The following PRMT9 variants were observed in gnomAD, a reference collection of about 807,000 sequenced individuals.
PRMT9 encodes the protein protein arginine methyltransferase 9, also known as protein arginine N-methyltransferase 9.
A neutral mutation model predicts 83.2 loss-of-function variants in PRMT9; 59 were observed. That is an observed-to-expected ratio of 0.71 (90% confidence interval 0.57 to 0.88). The LOEUF (loss-of-function observed/expected upper bound fraction) is 0.88. Ranked by LOEUF, PRMT9 falls within the 40% of genes least tolerant of loss-of-function variation. The pLI is 0.00. For missense variants in PRMT9, 947 were observed against 1,021.9 expected, an observed-to-expected ratio of 0.93 and a Z score of 1.00; for synonymous variants, 333 against 353.2, an observed-to-expected ratio of 0.94 and a Z score of 0.64.
At chr4:147,672,386 A>G (rs1052186265) in intron 4 of PRMT9, among the ~76,000 whole-genome samples, 3 of 152,262 alleles carry the variant, frequency 2.0e-5, no homozygotes, top group African/African-American at 7.2e-5. Flanking sequence ...TAAAATGACT[A>G]GTGTGGAACC....
chr4:147,662,176 G>A (rs1052325389), intron 6 of PRMT9, among the ~76,000 whole-genome samples: 4 of 152,136 alleles, frequency 2.6e-5, no homozygotes, highest in Non-Finnish European at 4.4e-5. Flanking sequence ...GTCATATAAT[G>A]GAGTATGATT....
At chr4:147,648,599 G>A (rs920571189) in intron 9 of PRMT9, among the ~76,000 whole-genome samples, 3 of 152,194 alleles carry the variant, frequency 2.0e-5, no homozygotes, top group African/African-American at 7.2e-5. Flanking sequence ...AATGGAACTC[G>A]AAGAGGTGGT....
At chr4:147,668,152 T>A (rs1735466030) in intron 6 of PRMT9, among the ~76,000 whole-genome samples, 1 of 152,214 alleles carries the variant, frequency 6.6e-6, no homozygotes, top group African/African-American at 2.4e-5. Context: ...ACTGATATGG[T>A]TTGACTCTGT....
chr4:147,644,373 TAA>T (rs56271212), intron 9 of PRMT9, among the ~76,000 whole-genome samples: 350 of 142,830 alleles, frequency 2.5e-3, no homozygotes, highest in Middle Eastern at 3.6e-3. Context: ...ATGCAAAATT[TAA>T]AAAAAAAAAA....
intron 2 of PRMT9, among the ~76,000 whole-genome samples, chr4:147,678,429 CCATT>C (rs2126639086): frequency 6.6e-6 from 1 of 152,324 alleles, no homozygotes; most frequent in South Asian, 2.1e-4. Context: ...GCAATGTTAA[CCATT>C]CATTTTATTT....
intron 6 of PRMT9, chr4:147,661,459 G>C (rs1037141559): frequency 6.2e-6 from 1 of 161,658 alleles, no homozygotes; most frequent in Non-Finnish European, 1.3e-5. Flanking sequence ...ATGAGAAAAG[G>C]TGCTCAGCTT....
rs1029163761 is a variant in PRMT9 at position 147,673,116 on chromosome 4, T to C, written c.586A>G (p.Lys196Glu). The C allele has an allele frequency of 6.2e-7, 1 of 1,613,966 alleles. No individual in the cohort carries two copies. Among genetic ancestry groups the C allele is most frequent in the Admixed American group, 1.7e-5 (1 of 60,010 alleles). Residue 196 changes from lysine to glutamate, a missense_variant, in exon 4 of 12, where the codon AAA becomes GAA. Physicochemically the swap from Lys to Glu is moderately conservative, Grantham distance 56. Coordinates refer to ENST00000322396, the MANE Select transcript of PRMT9 (RefSeq NM_138364.4). Reference sequence around the variant, plus strand: ...TACACGGAATGTGCTCCAGCTTTTTTAGCAAACATGCTACAAGGGAAAAAA... The same window carrying C: ...TACACGGAATGTGCTCCAGCTTTTTCAGCAAACATGCTACAAGGGAAAAAA... ...AGTGILSMFA[K>E]KAGAHSVYAC...
At chr4:147,655,615 T>C (rs1415742910) in intron 8 of PRMT9, among the ~76,000 whole-genome samples, 1 of 152,132 alleles carries the variant, frequency 6.6e-6, no homozygotes, top group Non-Finnish European at 1.5e-5. Flanking sequence ...AGTGGTATGA[T>C]CACTGTGGCC....
intron 9 of PRMT9, among the ~76,000 whole-genome samples, chr4:147,646,779 T>A (rs1030421039): frequency 1.3e-5 from 2 of 152,172 alleles, no homozygotes; most frequent in African/African-American, 4.8e-5. Context: ...CATCAGGTGC[T>A]ATAAAAGCTC....
intron 8 of PRMT9, among the ~76,000 whole-genome samples, chr4:147,657,358 T>C (rs945558108): frequency 4.6e-5 from 7 of 151,916 alleles, no homozygotes; most frequent in African/African-American, 1.7e-4. Context: ...ACTCGGTCTA[T>C]ACTAAAAATA....
At chr4:147,662,518 G>A (rs756355277) in intron 6 of PRMT9, among the ~76,000 whole-genome samples, 1 of 152,084 alleles carries the variant, frequency 6.6e-6, no homozygotes, top group Non-Finnish European at 1.5e-5. Context: ...AATTTACATT[G>A]GGCCAGGCAT....
intron 5 of PRMT9, among the ~76,000 whole-genome samples, chr4:147,669,214 C>T (rs1297886296): frequency 2.1e-5 from 3 of 146,202 alleles, no homozygotes; most frequent in Non-Finnish European, 4.5e-5. Context: ...CATAGCAAGA[C>T]CCTGTCTCTA....
chr4:147,652,404 A>T (rs1039761369), intron 9 of PRMT9, among the ~76,000 whole-genome samples: 1 of 152,114 alleles, frequency 6.6e-6, no homozygotes, highest in Non-Finnish European at 1.5e-5. Flanking sequence ...ATTAGCTGAG[A>T]TCACGCCGCT....
At chr4:147,642,453 C>T (rs1733464554) in intron 10 of PRMT9, among the ~76,000 whole-genome samples, 1 of 152,000 alleles carries the variant, frequency 6.6e-6, no homozygotes, top group Non-Finnish European at 1.5e-5. Context: ...GTTGGCCAGG[C>T]TGGTCTTGAA....
At position 147,673,027 on chromosome 4, in the gene PRMT9, C is replaced by T. The variant is rs1284433343; in HGVS notation, c.675G>A (p.Met225Ile). ...TATGTAAGAGTTTGATCCCTGCTTCCATCTTGTTTGCTGCCACGACATCAC... is the reference window on the plus strand; with the variant it reads ...TATGTAAGAGTTTGATCCCTGCTTCTATCTTGTTTGCTGCCACGACATCAC... ...LACDVVAANK[M>I]EAGIKLLHTK... Residue 225 changes from methionine (M) to isoleucine (I), a missense_variant, in exon 4 of 12, where the codon ATG becomes ATA. Transcript: ENST00000322396. 1.5e-5 allele frequency: 24 copies of T among 1,613,728 alleles called. No homozygotes were observed. Among genetic ancestry groups the T allele is most frequent in the Non-Finnish European group, 2.0e-5 (24 of 1,179,874 alleles).
At chr4:147,674,375 G>A (rs527488189) in intron 2 of PRMT9, among the ~76,000 whole-genome samples, 6 of 152,052 alleles carry the variant, frequency 3.9e-5, no homozygotes, top group Non-Finnish European at 7.4e-5. Context: ...AAATATCACC[G>A]CAGAAAGGGA....
intron 7 of PRMT9, among the ~76,000 whole-genome samples, chr4:147,658,312 G>T (rs1178558648): frequency 6.6e-6 from 1 of 151,984 alleles, no homozygotes; most frequent in African/African-American, 2.4e-5. Context: ...GGGGGGTAGA[G>T]AGAGAGAGGG....
At position 147,683,966 on chromosome 4, in the gene PRMT9, A is replaced by G; in HGVS notation, c.22T>C (p.Ser8Pro). 6.2e-7 allele frequency: 1 copy of G among 1,612,790 alleles called. No individual in the cohort carries two copies. Among genetic ancestry groups the G allele is most frequent in the South Asian group, 1.1e-5 (1 of 91,076 alleles). The stretch of plus-strand genomic sequence containing the variant: ...GCGCCACCCCCGGCGTCTCGGCGGG[A>G]CCTGGGCCGCGAGTTCGACATGGCA... MSNSRPRSRRDAGGGAGA... is the reference protein window; with the variant it reads MSNSRPRPRRDAGGGAGA... Residue 8 changes from serine (S) to proline (P), a missense_variant, in exon 1 of 12, where the codon TCC becomes CCC. Ser to Pro is a moderately conservative substitution (Grantham distance 74). Coordinates refer to ENST00000322396, the MANE Select transcript of PRMT9 (RefSeq NM_138364.4).
chr4:147,658,042 C>G (rs1475307942), intron 7 of PRMT9, 67 bp from the exon 8 acceptor site: 1 of 1,103,996 alleles, frequency 9.1e-7, no homozygotes. Context: ...CAGTATCTTA[C>G]CATTTTCCAT....
Sources: gnomAD v4.1 joint callset for allele counts (sites outside exome capture counted in the v4.1 genomes callset) on GRCh38, gnomAD v4.1.1 for gene constraint, MANE v1.5 for transcripts, NCBI Gene and HGNC (gene_info 2026-07-23, HGNC 2026-07-21) for gene names.